Variants in CEP290 observed in about 807,000 individuals in gnomAD.
CEP290 encodes centrosomal protein 290.
In CEP290, 317 loss-of-function variants were observed where a neutral mutation model predicts 344.9. The observed-to-expected ratio is 0.92, with a 90% CI of 0.84 to 1.01. The LOEUF (loss-of-function observed/expected upper bound fraction) is 1.01. Among genes scored for constraint, CEP290 ranks in the 50% least tolerant of loss-of-function variants. The pLI, the probability that CEP290 is intolerant of heterozygous loss-of-function variation, is 0.00. For synonymous variants in CEP290, 932 were observed against 895.8 expected (o/e 1.04, Z -0.72); for missense variants, 2,754 against 2,761.4 (o/e 1.00, Z 0.06).
chr12:88,106,697 A>AT lies in CEP290; in HGVS notation c.2794dup (p.Ile932AsnfsTer8). 1 of 1,607,944 alleles carries AT rather than the reference A, an allele frequency of 6.2e-7. No individual in the cohort carries two copies. The highest frequency in any genetic ancestry group is 1.1e-5 in the South Asian group (1 of 89,328). The stretch of plus-strand genomic sequence containing the variant: ...TACCTTAAATCTTTGCAAACACCCA[A>AT]TTTTTTCACAAACTTCAGCCTCCAT... On this transcript the variant is annotated frameshift_variant, in exon 25 of 54. Coordinates refer to ENST00000552810, the MANE Select transcript of CEP290 (RefSeq NM_025114.4). LOFTEE classifies it high-confidence loss of function.
chr12:88,129,710 T>G lies in CEP290; in HGVS notation c.836A>C (p.Asp279Ala). 7.0e-7 allele frequency: 1 copy of G among 1,438,084 alleles called. No homozygotes were observed. The highest frequency in any genetic ancestry group is 9.4e-7 in the Non-Finnish European group (1 of 1,067,834). 89.1% of individuals were successfully genotyped at this position (1,438,084 alleles called of 1,614,324 possible). A position where few individuals can be genotyped will look rare whatever the true frequency, so the allele number is the denominator to read the frequency against. The change falls in exon 10 of 54, where the codon GAT (aspartate) becomes GCT (alanine). Residue 279 changes from aspartate (D) to alanine (A), a missense_variant. Coordinates refer to ENST00000552810, the MANE Select transcript of CEP290 (RefSeq NM_025114.4). ...NVIDQLKKEN[D>A]HYQLQVQELT... Reference sequence around the variant, plus strand: ...AATTCTTACTTGAAGTTGATAATGATCGTTTTCTTTTTTTAACTGATCTAT... The same window carrying G: ...AATTCTTACTTGAAGTTGATAATGAGCGTTTTCTTTTTTTAACTGATCTAT...
At chr12:88,114,022 T>C (rs2038884782) in intron 20 of CEP290, among the ~76,000 whole-genome samples, 1 of 152,048 alleles carries the variant, frequency 6.6e-6, no homozygotes, top group Non-Finnish European at 1.5e-5. Context: ...CAGGGTGCAA[T>C]TGCAGAGATC....
At chr12:88,070,573 A>AT (rs2136944334) in intron 43 of CEP290, among the ~76,000 whole-genome samples, 1 of 152,198 alleles carries the variant, frequency 6.6e-6, no homozygotes, top group African/African-American at 2.4e-5. Flanking sequence ...AGAAGCTAAT[A>AT]TTTTTTGGGA....
intron 47 of CEP290, among the ~76,000 whole-genome samples, chr12:88,060,367 G>C (rs1027698797): frequency 6.6e-6 from 1 of 152,192 alleles, no homozygotes; most frequent in African/African-American, 2.4e-5. Context: ...AGACAGTCCT[G>C]GTTAACATGG....
chr12:88,066,473 C>CT (rs71448728), intron 44 of CEP290, among the ~76,000 whole-genome samples: 8 of 4,964 alleles, frequency 1.6e-3, no homozygotes, highest in East Asian at 0.038. Flanking sequence ...CTAATTGTTT[C>CT]TTTTTTTTTT....
At chr12:88,136,901 G>T in intron 5 of CEP290, 115 bp from the exon 6 acceptor site, 3 of 915,732 alleles carry the variant, frequency 3.3e-6, no homozygotes, top group Admixed American at 2.6e-5. Context: ...CTTCAGTGCA[G>T]ATATTTAAAA....
At chr12:88,128,907 C>A in intron 11 of CEP290, 39 bp downstream of exon 11, 2 of 1,272,372 alleles carry the variant, frequency 1.6e-6, no homozygotes, top group South Asian at 1.6e-5. Flanking sequence ...ATCTAAAATA[C>A]AAAAAGAAAA....
chr12:88,110,522 C>T (rs1263338934), intron 22 of CEP290, among the ~76,000 whole-genome samples: 3 of 151,790 alleles, frequency 2.0e-5, no homozygotes, highest in African/African-American at 7.3e-5. Flanking sequence ...ACCAGCCTGG[C>T]CAATATGACG....
At chr12:88,086,643 CAG>C in intron 32 of CEP290, 145 bp from the exon 33 acceptor site, 1 of 582,636 alleles carries the variant, frequency 1.7e-6, no homozygotes, top group Non-Finnish European at 2.9e-6. Context: ...AATACAAACT[CAG>C]AGAGGTGAAG....
chr12:88,095,673 T>C (rs1357259402), intron 27 of CEP290, among the ~76,000 whole-genome samples: 2 of 152,132 alleles, frequency 1.3e-5, no homozygotes, highest in Non-Finnish European at 2.9e-5. Flanking sequence ...AAACCAAGTA[T>C]CTCATTACCA....
At chr12:88,135,761 T>C (rs910654592) in intron 6 of CEP290, 2 of 151,800 alleles carry the variant, frequency 1.3e-5, no homozygotes, top group Non-Finnish European at 2.9e-5. Context: ...ATGGACAAAA[T>C]AAAATAAATG....
At chr12:88,094,785 C>T (rs1321728978) in intron 27 of CEP290, among the ~76,000 whole-genome samples, 1 of 151,926 alleles carries the variant, frequency 6.6e-6, no homozygotes, top group Admixed American at 6.6e-5. Flanking sequence ...TTAGGGTAGC[C>T]AATTACTTAA....
chr12:88,067,204 ACAC>A (rs1334225302), intron 44 of CEP290, among the ~76,000 whole-genome samples: 2 of 146,750 alleles, frequency 1.4e-5, no homozygotes, highest in East Asian at 3.9e-4. Context: ...CATTAAGTGA[ACAC>A]CAATTGTAAA....
chr12:88,097,102 A>G (rs527452820), intron 26 of CEP290, 103 bp from the exon 27 acceptor site: 1 of 649,824 alleles, frequency 1.5e-6, no homozygotes, highest in East Asian at 3.0e-5. Context: ...TAAAACTCAC[A>G]ATCCAGTTTT....
chr12:88,090,246 G>C (rs1302975981), intron 30 of CEP290, among the ~76,000 whole-genome samples: 1 of 152,110 alleles, frequency 6.6e-6, no homozygotes, highest in Non-Finnish European at 1.5e-5. Context: ...TGCTGTACTG[G>C]ATTACTGAAC....
intron 27 of CEP290, among the ~76,000 whole-genome samples, chr12:88,096,071 G>A (rs182526358): frequency 6.6e-4 from 99 of 150,406 alleles, no homozygotes; most frequent in Non-Finnish European, 4.1e-4. Flanking sequence ...TTTTTGAGAC[G>A]GAGTCTCACT....
chr12:88,120,095 A>C lies in CEP290; in HGVS notation c.1522+19T>G. 6.9e-7 allele frequency: 1 copy of C among 1,453,686 alleles called. No homozygotes were observed. The highest frequency in any genetic ancestry group is 9.1e-7 in the Non-Finnish European group (1 of 1,098,596). The allele number at this position is 1,453,686 out of a possible 1,614,324, so 90.0% of individuals were successfully genotyped here. A position where few individuals can be genotyped will look rare whatever the true frequency, so the allele number is the denominator to read the frequency against. On this transcript the variant is annotated intron_variant, in intron 15 of 53. Transcript: ENST00000552810. ...GTAAATCAGGTTGCGCAAACTATGTAACTTAAAACATGGCTTACCCACACG... is the reference window on the plus strand; with the variant it reads ...GTAAATCAGGTTGCGCAAACTATGTCACTTAAAACATGGCTTACCCACACG...
rs2040617128 is a variant in CEP290, at chr12:88,140,941, C to T, written c.180+15G>A. ...TAATAGCCAAACCTATAGTTAAAAC[C>T]TACTACATACAAACCTTCATTAGTG... is the stretch of plus-strand genomic sequence containing the variant. On this transcript the variant is annotated intron_variant, in intron 3 of 53. Coordinates refer to ENST00000552810, the MANE Select transcript of CEP290 (RefSeq NM_025114.4). The T allele has an allele frequency of 6.5e-7, 1 of 1,547,064 alleles. No homozygotes were observed. The highest frequency in any genetic ancestry group is 8.7e-7 in the Non-Finnish European group (1 of 1,144,542).
At position 88,086,425 on chromosome 12, in the gene CEP290, C is replaced by CCGTCA; in HGVS notation, c.4267_4268insTGACG (p.Arg1423LeufsTer9). ...CGCATTTAGTATTTCATTTTGCTGA[C>CCGTCA]GGTCAAAAATGTCTAGTTGGCGTTC... On this transcript the variant is annotated frameshift_variant, in exon 33 of 54. Coordinates refer to ENST00000552810, the MANE Select transcript of CEP290 (RefSeq NM_025114.4). LOFTEE classifies it high-confidence loss of function. 6.3e-7 allele frequency: 1 copy of CCGTCA among 1,597,612 alleles called. No individual in the cohort carries two copies. The highest frequency in any genetic ancestry group is 1.1e-5 in the South Asian group (1 of 88,478).
Sources: gnomAD v4.1 joint callset for allele counts (sites outside exome capture counted in the v4.1 genomes callset) on GRCh38, gnomAD v4.1.1 for gene constraint, MANE v1.5 for transcripts, NCBI Gene and HGNC (gene_info 2026-07-23, HGNC 2026-07-21) for gene names.